KIAA1671: variants seen among roughly 807,000 people sequenced by gnomAD.
The protein encoded by KIAA1671 is KIAA1671, also known as uncharacterized protein KIAA1671.
In KIAA1671, 52 loss-of-function variants were observed where a neutral mutation model predicts 131.2. That is an observed-to-expected ratio of 0.40 (90% CI 0.32 to 0.50). The LOEUF (loss-of-function observed/expected upper bound fraction) is 0.50, where lower values mean the gene tolerates loss of function less well. Ranked by LOEUF, KIAA1671 falls within the 20% of genes least tolerant of loss-of-function variation. The probability of loss-of-function intolerance (pLI) is 0.73; values close to 1 mark genes in which losing one functional copy is unlikely to be tolerated. For synonymous variants in KIAA1671, 1,003 were observed against 961.6 expected, an observed-to-expected ratio of 1.04 and a Z score of -0.80; for missense variants, 2,360 against 2,364.2, an observed-to-expected ratio of 1.00 and a Z score of 0.04.
chr22:25,097,452 G>A (rs1303819514), intron 6 of KIAA1671, among the ~76,000 whole-genome samples: 1 of 152,174 alleles, frequency 6.6e-6, no homozygotes, highest in Admixed American at 6.6e-5. Flanking sequence ...ACCTTCAAAA[G>A]GTTGTAGGCT....
At position 25,039,414 on chromosome 22, in the gene KIAA1671, C is replaced by G. The variant is rs982929799; in HGVS notation, c.2284C>G (p.Leu762Val). Residue 762 changes from leucine (L) to valine (V), a missense_variant, in exon 5 of 13, where the codon CTC becomes GTC. Transcript: ENST00000358431. ...PEEKAVTLRS[L>V]RSWLSLKDRQ... ...GGAGAAAGCGGTCACGCTCCGCAGC[C>G]TCAGGTCTTGGCTCTCACTGAAGGA... The G allele has an allele frequency of 1.4e-5, 22 of 1,551,700 alleles. No individual in the cohort carries two copies. The highest frequency in any genetic ancestry group is 2.0e-5 in the Admixed American group (1 of 50,996).
At chr22:25,177,314 AT>A (rs1568993452) in intron 8 of KIAA1671, 33 bp from the exon 9 acceptor site, 2 of 1,525,158 alleles carry the variant, frequency 1.3e-6, no homozygotes, top group African/African-American at 1.4e-5. Context: ...GGTTCCCTTG[AT>A]TTTTTTCCTC....
chr22:24,964,929 A>C (rs1157025275), intron 1 of KIAA1671, among the ~76,000 whole-genome samples: 2 of 152,062 alleles, frequency 1.3e-5, no homozygotes, highest in Non-Finnish European at 2.9e-5. Flanking sequence ...GAAAAATCCT[A>C]GTGTTAGATC....
chr22:25,144,354 G>A (rs899449380), intron 6 of KIAA1671, among the ~76,000 whole-genome samples: 8 of 152,102 alleles, frequency 5.3e-5, no homozygotes, highest in African/African-American at 7.2e-5. Context: ...CACTCACTCC[G>A]GGTAACAGAC....
chr22:25,176,404 T>C (rs1337630209), intron 8 of KIAA1671: 2 of 152,190 alleles, frequency 1.3e-5, no homozygotes, highest in Admixed American at 1.3e-4. Context: ...AAACCAACAT[T>C]TCATGTAAGA....
chr22:25,130,339 C>T (rs1240383346), intron 6 of KIAA1671, among the ~76,000 whole-genome samples: 1 of 152,122 alleles, frequency 6.6e-6, no homozygotes, highest in Non-Finnish European at 1.5e-5. Context: ...CCACTTAGTC[C>T]CTGCTTTTCT....
At chr22:25,119,892 G>T (rs915353514) in intron 6 of KIAA1671, among the ~76,000 whole-genome samples, 1 of 152,212 alleles carries the variant, frequency 6.6e-6, no homozygotes, top group African/African-American at 2.4e-5. Context: ...AGAGAGGTGG[G>T]CCAGGGGCCA....
intron 1 of KIAA1671, among the ~76,000 whole-genome samples, chr22:24,953,285 A>T (rs1341327541): frequency 6.6e-6 from 1 of 152,020 alleles, no homozygotes; most frequent in Non-Finnish European, 1.5e-5. Flanking sequence ...GATCTGGGTT[A>T]CTCAGCCTGG....
Position 25,177,522 on chromosome 22 carries a change from G to C in KIAA1671, c.5074G>C (p.Glu1692Gln). Residue 1692 changes from glutamate to glutamine, a missense_variant and splice_region_variant, in exon 9 of 13, where the codon GAG (glutamate) becomes CAG (glutamine). Physicochemically the swap from Glu to Gln is conservative, Grantham distance 29. This residue lies in a region of KIAA1671 where 1,161 missense variants were observed against 1,204.7 expected (regional missense o/e 0.96). Transcript: ENST00000358431. ...DNTWMFKDSTEEKSPRKEESD... is the reference protein window; with the variant it reads ...DNTWMFKDSTQEKSPRKEESD... ...CACGTGGATGTTCAAAGACTCAACGGGTATGCCATGACTTCTCTCCTCCTC... is the reference window on the plus strand; with the variant it reads ...CACGTGGATGTTCAAAGACTCAACGCGTATGCCATGACTTCTCTCCTCCTC... 6.5e-7 allele frequency: 1 copy of C among 1,549,290 alleles called. No homozygotes were observed. The highest frequency in any genetic ancestry group is 8.7e-7 in the Non-Finnish European group (1 of 1,145,038).
chr22:25,035,733 C>T (rs1926552971), intron 4 of KIAA1671, among the ~76,000 whole-genome samples: 1 of 152,092 alleles, frequency 6.6e-6, no homozygotes, highest in African/African-American at 2.4e-5. Context: ...TGTTGATTGT[C>T]ATTAAATTGG....
intron 5 of KIAA1671, among the ~76,000 whole-genome samples, chr22:25,048,753 AT>A (rs1403596023): frequency 6.6e-6 from 1 of 152,172 alleles, no homozygotes; most frequent in Non-Finnish European, 1.5e-5. Context: ...TAAAGAGATG[AT>A]TAAAATAAGG....
At chr22:25,167,419 C>A (rs1933683055) in intron 6 of KIAA1671, among the ~76,000 whole-genome samples, 1 of 152,126 alleles carries the variant, frequency 6.6e-6, no homozygotes. Flanking sequence ...TGAAGAAAAT[C>A]CTCAGCAACC....
At chr22:25,081,502 G>A (rs974373923) in intron 6 of KIAA1671, among the ~76,000 whole-genome samples, 1 of 152,188 alleles carries the variant, frequency 6.6e-6, no homozygotes, top group Non-Finnish European at 1.5e-5. Flanking sequence ...ACATATCCAA[G>A]GGAGGAATTG....
Position 25,174,259 on chromosome 22 carries a change from G to C in KIAA1671, c.4669G>C (p.Asp1557His). 1 of 1,551,668 alleles carries C rather than the reference G, an allele frequency of 6.4e-7. No individual in the cohort carries two copies. Among genetic ancestry groups the C allele is most frequent in the South Asian group, 1.2e-5 (1 of 84,054 alleles). The change falls in exon 8 of 13, where the codon GAT becomes CAT. Residue 1557 changes from aspartate (D) to histidine (H), a missense_variant. This residue lies in a region of KIAA1671 where 1,161 missense variants were observed against 1,204.7 expected (regional missense o/e 0.96). Transcript: ENST00000358431. ...TGGCAGCTTGGCCACTGAGTCCCCA[G>C]ATAGCAGTGCCACATCGACAAGGAA... ...SGESLATESP[D>H]SSATSTRKQP...
At chr22:24,970,145 G>A (rs1424644385) in intron 1 of KIAA1671, among the ~76,000 whole-genome samples, 1 of 152,196 alleles carries the variant, frequency 6.6e-6, no homozygotes, top group Admixed American at 6.5e-5. Context: ...GTCCCAGCAG[G>A]CTGGGAGGTG....
intron 1 of KIAA1671, among the ~76,000 whole-genome samples, chr22:24,977,486 T>A (rs1922975391): frequency 1.3e-5 from 2 of 152,172 alleles, no homozygotes; most frequent in Admixed American, 6.5e-5. Context: ...AGGTCTGGCC[T>A]CATAGAGCCT....
intron 6 of KIAA1671, among the ~76,000 whole-genome samples, chr22:25,121,982 T>A (rs1931968310): frequency 6.6e-6 from 1 of 152,324 alleles, no homozygotes; most frequent in South Asian, 2.1e-4. Flanking sequence ...TTGTGGGATC[T>A]GGGAGTTGTG....
At position 25,170,891 on chromosome 22, in the gene KIAA1671, C is replaced by T. The variant is rs540664009; in HGVS notation, c.4602C>T (p.Ala1534=). Residue 1534 remains alanine, a synonymous_variant, in exon 7 of 13, where the codon GCC becomes GCT. Coordinates refer to ENST00000358431, the MANE Select transcript of KIAA1671 (RefSeq NM_001145206.2). ...PKDTDTLVHE[A]GSQYGTWTEQ... ...ACACTGACACCCTCGTGCACGAAGCCGGCAGCCAGTATGGGACGTGGACAG... is the reference window on the plus strand; with the variant it reads ...ACACTGACACCCTCGTGCACGAAGCTGGCAGCCAGTATGGGACGTGGACAG... The T allele has an allele frequency of 3.4e-4, 533 of 1,551,650 alleles. 4 individuals carry two copies. The African/African-American group carries it at 5.8e-3, about 17-fold the overall frequency.
intron 9 of KIAA1671, chr22:25,179,324 C>T (rs887484721): frequency 1.3e-6 from 2 of 1,587,784 alleles, no homozygotes; most frequent in Non-Finnish European, 1.7e-6. Context: ...CCGACATCTC[C>T]TCTCGCTGCT....
Sources: allele counts gnomAD v4.1 joint callset (sites outside exome capture counted in the v4.1 genomes callset), GRCh38; gene constraint gnomAD v4.1.1; regional missense constraint gnomAD v4.1.1; transcripts MANE v1.5; gene names NCBI Gene and HGNC (gene_info 2026-07-23, HGNC 2026-07-21).